Variants in SMOC2 observed in about 807,000 individuals in gnomAD.
SMOC2 encodes SPARC related modular calcium binding 2.
A neutral mutation model predicts 61.4 loss-of-function variants in SMOC2; 39 were observed. The observed-to-expected ratio is 0.64, with a 90% CI of 0.49 to 0.83. The LOEUF is 0.83. Ranked by LOEUF, SMOC2 falls within the 40% of genes least tolerant of loss-of-function variation. The pLI, the probability that SMOC2 is intolerant of heterozygous loss-of-function variation, is 0.00. For missense variants in SMOC2, 556 were observed against 592.9 expected (o/e 0.94, Z 0.65); for synonymous variants, 247 against 239.9 (o/e 1.03, Z -0.27).
rs1309863220 is a variant in SMOC2 at position 168,453,202 on chromosome 6, A to G, written c.84+11748A>G. On this transcript the variant is annotated intron_variant, in intron 1 of 12. Transcript: ENST00000356284. The surrounding 1 kb of genome is among the most constrained non-coding windows in gnomAD (Gnocchi z 4.4). Reference sequence around the variant, plus strand: ...AGAGTGTGCTCAGGGTGGCCTGACAAATGCGGGCGGGGGTGGGGGAGGAAC... The same window carrying G: ...AGAGTGTGCTCAGGGTGGCCTGACAGATGCGGGCGGGGGTGGGGGAGGAAC... Among the ~76,000 whole-genome samples, 1 of 139,230 alleles carries G rather than the reference A, an allele frequency of 7.2e-6. No individual in the cohort carries two copies. The highest frequency in any genetic ancestry group is 2.6e-4 in the East Asian group (1 of 3,878). The allele number at this position is 139,230 out of a possible 152,430, so 91.3% of individuals were successfully genotyped here.
intron 4 of SMOC2, among the ~76,000 whole-genome samples, chr6:168,539,875 C>T (rs1484363395): frequency 6.6e-6 from 1 of 152,212 alleles, no homozygotes; most frequent in Admixed American, 6.5e-5. Flanking sequence ...AAAAAGCAGG[C>T]CCTGGATCCT....
In SMOC2 at chr6:168,652,991, C is replaced by A. The variant is rs543344507; in HGVS notation, c.1048C>A (p.Arg350=). The A allele has an allele frequency of 1.1e-5, 18 of 1,613,752 alleles. No individual in the cohort carries two copies. Among genetic ancestry groups the A allele is most frequent in the Non-Finnish European group, 1.5e-5 (18 of 1,179,946 alleles). The change falls in exon 11 of 13, where the codon CGG becomes AGG. Residue 350 remains arginine, a synonymous_variant. Transcript: ENST00000356284. ...CGACCCCAGCCATACCCTAGAGGAGCGGGTGGTGCACTGGTACTTCAAACT... is the reference window on the plus strand; with the variant it reads ...CGACCCCAGCCATACCCTAGAGGAGAGGGTGGTGCACTGGTACTTCAAACT... The part of the protein sequence containing the change: ...EPDPSHTLEE[R]VVHWYFKLLD...
At chr6:168,471,992 G>A (rs992352350) in intron 1 of SMOC2, among the ~76,000 whole-genome samples, 6 of 152,156 alleles carry the variant, frequency 3.9e-5, no homozygotes, top group East Asian at 1.9e-4. Flanking sequence ...CTCCCACTCC[G>A]TGTGTGCGTT....
intron 1 of SMOC2, among the ~76,000 whole-genome samples, chr6:168,505,279 A>G (rs957572818): frequency 1.4e-4 from 21 of 151,186 alleles, no homozygotes; most frequent in African/African-American, 4.6e-4. Context: ...CAGATGCTGG[A>G]TGAATGACTG....
At chr6:168,442,401 C>T (rs898438956) in intron 1 of SMOC2, among the ~76,000 whole-genome samples, 1 of 152,274 alleles carries the variant, frequency 6.6e-6, no homozygotes, top group Non-Finnish European at 1.5e-5. Context: ...CAACCCGCGG[C>T]GGCCGCTGGG....
chr6:168,443,139 C>T (rs1323103273), intron 1 of SMOC2, among the ~76,000 whole-genome samples: 1 of 152,218 alleles, frequency 6.6e-6, no homozygotes, highest in Admixed American at 6.5e-5. Context: ...CCTACAGTTG[C>T]CACGGATTTT....
At chr6:168,598,783 A>G in intron 7 of SMOC2, 35 bp from the exon 8 acceptor site, 1 of 1,610,966 alleles carries the variant, frequency 6.2e-7, no homozygotes, top group Non-Finnish European at 8.5e-7. Flanking sequence ...ACGTCGCTGG[A>G]TCCTGCTCAC....
At chr6:168,526,960 C>T (rs954118010) in intron 3 of SMOC2, among the ~76,000 whole-genome samples, 3 of 152,140 alleles carry the variant, frequency 2.0e-5, no homozygotes, top group Non-Finnish European at 4.4e-5. Flanking sequence ...GCCAGCTCTC[C>T]GTTTTGAGTG....
chr6:168,499,153 C>A lies in SMOC2; in HGVS notation c.85-10762C>A, dbSNP rs112003493. Among the ~76,000 whole-genome samples the A allele has an allele frequency of 1.8e-4, 26 of 141,506 alleles. No homozygotes were observed. The South Asian group carries it at 2.8e-3, about 15-fold the overall frequency. 92.8% of individuals were successfully genotyped at this position (141,506 alleles called of 152,430 possible). On this transcript the variant is annotated intron_variant, in intron 1 of 12. Coordinates refer to ENST00000356284, the MANE Select transcript of SMOC2 (RefSeq NM_001166412.2). ...GGGACAGCCAGGGCCCATAGCCTGT[C>A]TACTACACATGGAAACCCTGGGTCC...
chr6:168,485,064 T>G (rs761196593), intron 1 of SMOC2, among the ~76,000 whole-genome samples: 1 of 152,226 alleles, frequency 6.6e-6, no homozygotes, highest in Non-Finnish European at 1.5e-5. Flanking sequence ...TAATATCACT[T>G]AACTATGCGC....
chr6:168,548,288 A>C (rs116002650), intron 6 of SMOC2, among the ~76,000 whole-genome samples: 192 of 152,178 alleles, frequency 1.3e-3, no homozygotes, highest in African/African-American at 4.2e-3. Flanking sequence ...ACTGGCATTC[A>C]AACCCAGATG....
At chr6:168,591,260 G>A (rs1437195550) in intron 7 of SMOC2, among the ~76,000 whole-genome samples, 1 of 152,190 alleles carries the variant, frequency 6.6e-6, no homozygotes, top group Admixed American at 6.5e-5. Flanking sequence ...TGCAGGCCAG[G>A]GATCTGAGCC....
chr6:168,616,459 C>A (rs1182352052), intron 9 of SMOC2, among the ~76,000 whole-genome samples: 1 of 152,196 alleles, frequency 6.6e-6, no homozygotes, highest in African/African-American at 2.4e-5. Flanking sequence ...CTTTTGAGAG[C>A]TGTCTGGTGG....
rs184625103 is a variant in SMOC2, at chr6:168,451,130, G to A, written c.84+9676G>A. Among the ~76,000 whole-genome samples the A allele has an allele frequency of 5.7e-3, 867 of 152,234 alleles. 9 individuals carry two copies. The highest frequency in any genetic ancestry group is 0.014 in the Middle Eastern group (4 of 294). ...TTTGCTGCACTGATTTATTCCCCAG[G>A]GGAAAGCCCAGGAGAGCTGAATACT... is the stretch of plus-strand genomic sequence containing the variant. On this transcript the variant is annotated intron_variant, in intron 1 of 12. Transcript: ENST00000356284.
chr6:168,550,928 CTG>C (rs1183779130), intron 7 of SMOC2, among the ~76,000 whole-genome samples: 3 of 152,180 alleles, frequency 2.0e-5, no homozygotes, highest in Admixed American at 6.5e-5. Context: ...AATTAAAACA[CTG>C]TATGTTTCAG....
chr6:168,639,867 G>C (rs1453419333), intron 9 of SMOC2, among the ~76,000 whole-genome samples: 1 of 152,178 alleles, frequency 6.6e-6, no homozygotes, highest in African/African-American at 2.4e-5. Context: ...TTGAATCCCT[G>C]GTGTGACCCC....
intron 1 of SMOC2, among the ~76,000 whole-genome samples, chr6:168,457,441 A>C (rs1038989379): frequency 6.6e-6 from 1 of 152,184 alleles, no homozygotes. Context: ...CCTGCACTGG[A>C]GCTGCAGTGA....
chr6:168,520,177 G>A (rs1783296197), intron 2 of SMOC2, among the ~76,000 whole-genome samples: 1 of 152,204 alleles, frequency 6.6e-6, no homozygotes, highest in Non-Finnish European at 1.5e-5. Flanking sequence ...TCTATATTAG[G>A]ATATTAGGAT....
At chr6:168,443,317 C>A (rs979241577) in intron 1 of SMOC2, among the ~76,000 whole-genome samples, 119 of 152,132 alleles carry the variant, frequency 7.8e-4, no homozygotes, top group African/African-American at 2.8e-3. Context: ...TCTCCCCTGT[C>A]TCATCTAACT....
Sources: gnomAD v4.1 joint callset for allele counts (sites outside exome capture counted in the v4.1 genomes callset) on GRCh38, gnomAD v4.1.1 for gene constraint, Gnocchi (gnomAD v3.1) non-coding constraint, MANE v1.5 for transcripts, NCBI Gene and HGNC (gene_info 2026-07-23, HGNC 2026-07-21) for gene names.